The following LEKR1 variants were observed in gnomAD, a reference collection of about 807,000 sequenced individuals.
LEKR1 encodes the protein protein LEKR1.
Under a neutral mutation model 72.4 loss-of-function variants are expected in LEKR1, and 59 were observed. That is an observed-to-expected ratio of 0.82 (90% confidence interval 0.66 to 1.01). The LOEUF is 1.01. Ranked by LOEUF, LEKR1 falls within the 50% of genes least tolerant of loss-of-function variation. LEKR1 has a pLI of 0.00. For synonymous variants in LEKR1, 257 were observed against 263.2 expected (o/e 0.98, Z 0.23); for missense variants, 728 against 759.2 (o/e 0.96, Z 0.48).
chr3:156,910,625 A>T (rs1403678764), intron 3 of LEKR1, among the ~76,000 whole-genome samples: 1 of 152,190 alleles, frequency 6.6e-6, no homozygotes, highest in Non-Finnish European at 1.5e-5. Context: ...AGGGAAAATG[A>T]TAATGGACTC....
chr3:156,965,866 T>C (rs1728514083), intron 6 of LEKR1, among the ~76,000 whole-genome samples: 2 of 152,200 alleles, frequency 1.3e-5, no homozygotes. Context: ...TATTGGTATA[T>C]ATTTTTGCAT....
chr3:156,907,315 T>A (rs1722622753), intron 3 of LEKR1, among the ~76,000 whole-genome samples: 1 of 152,110 alleles, frequency 6.6e-6, no homozygotes. Context: ...TATGGTTTCA[T>A]GTCATATTTG....
intron 12 of LEKR1, among the ~76,000 whole-genome samples, chr3:157,029,428 A>C (rs1263141205): frequency 1.3e-5 from 2 of 152,096 alleles, no homozygotes; most frequent in Non-Finnish European, 2.9e-5. Context: ...TAATTTCCAT[A>C]AGGTCAGACA....
In LEKR1 at chr3:156,993,162, G is replaced by C. The variant is rs1489327462; in HGVS notation, c.994G>C (p.Glu332Gln). ...KALQEELTVK[E>Q]KQEEDIKRRI... ...ATTACAGGAAGAGCTGACTGTGAAA[G>C]AAAAGCAAGAAGAAGACATAAAGAG... The change falls in exon 9 of 13, where the codon GAA (glutamate) becomes CAA (glutamine). Residue 332 changes from glutamate to glutamine, a missense_variant. By Grantham distance (29) the Glu-to-Gln change is conservative. Transcript: ENST00000356539. 6.2e-7 allele frequency: 1 copy of C among 1,612,028 alleles called. No individual in the cohort carries two copies. The highest frequency in any genetic ancestry group is 2.2e-5 in the East Asian group (1 of 44,756).
intron 7 of LEKR1, among the ~76,000 whole-genome samples, chr3:156,985,558 G>C (rs962911352): frequency 6.6e-6 from 1 of 152,198 alleles, no homozygotes; most frequent in Non-Finnish European, 1.5e-5. Context: ...TTTGAGGCCA[G>C]GCGTAGTGGC....
intron 3 of LEKR1, among the ~76,000 whole-genome samples, chr3:156,865,191 T>G (rs1393453115): frequency 1.3e-5 from 2 of 152,026 alleles, no homozygotes; most frequent in Non-Finnish European, 2.9e-5. Context: ...CCATCATCAC[T>G]CTGCAGCATT....
Position 156,837,936 on chromosome 3 carries a change from T to C in LEKR1, c.48+8559T>C, listed in dbSNP as rs190050019. On this transcript the variant is annotated intron_variant, in intron 2 of 12. Transcript: ENST00000356539. ...TACAAAAGAAAATCATCTCTTTCTG[T>C]TTCATGGAATCATAGTCAAAAACCT... 5.3e-5 allele frequency among the ~76,000 whole-genome samples: 8 copies of C among 152,288 alleles called. No individual in the cohort carries two copies. The East Asian group carries it at 1.2e-3, about 22-fold the overall frequency.
chr3:156,880,916 T>C (rs1261704300), intron 3 of LEKR1, among the ~76,000 whole-genome samples: 5 of 152,188 alleles, frequency 3.3e-5, no homozygotes, highest in Non-Finnish European at 7.3e-5. Context: ...ATTATCTCAA[T>C]AGATGCAGAA....
Position 156,979,211 on chromosome 3 carries a change from G to C in LEKR1, c.763G>C (p.Glu255Gln). ...KEVLDLQCLV[E>Q]ALGLKLQKAV... ...CATTTCAGATTTACAATGTCTAGTA[G>C]AGGCACTTGGATTAAAACTTCAGAA... is the stretch of plus-strand genomic sequence containing the variant. The change falls in exon 7 of 13, where the codon GAG becomes CAG. Residue 255 changes from glutamate (E) to glutamine (Q), a missense_variant. Coordinates refer to ENST00000356539, the MANE Select transcript of LEKR1 (RefSeq NM_001004316.3). 7.8e-7 allele frequency: 1 copy of C among 1,282,152 alleles called. No individual in the cohort carries two copies. The highest frequency in any genetic ancestry group is 1.0e-6 in the Non-Finnish European group (1 of 980,836). The allele number at this position is 1,282,152 out of a possible 1,614,324, so 79.4% of individuals were successfully genotyped here.
intron 7 of LEKR1, among the ~76,000 whole-genome samples, chr3:156,985,602 A>G (rs1239388925): frequency 6.6e-6 from 1 of 152,120 alleles, no homozygotes; most frequent in Non-Finnish European, 1.5e-5. Flanking sequence ...TGGGAGACTG[A>G]GGCGAGGCAG....
At chr3:156,877,609 G>A (rs1718762693) in intron 3 of LEKR1, among the ~76,000 whole-genome samples, 1 of 150,734 alleles carries the variant, frequency 6.6e-6, no homozygotes, top group African/African-American at 2.5e-5. Flanking sequence ...GTGTATAAAA[G>A]TGTTCATAGT....
intron 3 of LEKR1, among the ~76,000 whole-genome samples, chr3:156,901,223 T>C (rs749779353): frequency 2.6e-5 from 4 of 152,176 alleles, no homozygotes; most frequent in African/African-American, 4.8e-5. Flanking sequence ...ATTCCTTTTT[T>C]TTTTCCTTCC....
chr3:156,983,685 A>G (rs1448999844), intron 7 of LEKR1, among the ~76,000 whole-genome samples: 3 of 152,132 alleles, frequency 2.0e-5, no homozygotes, highest in African/African-American at 4.8e-5. Context: ...GACTAACACA[A>G]TGAGTATGTG....
intron 3 of LEKR1, among the ~76,000 whole-genome samples, chr3:156,883,005 G>T (rs1184690551): frequency 1.3e-5 from 2 of 149,384 alleles, no homozygotes; most frequent in African/African-American, 2.5e-5. Context: ...ACTGTTGTGG[G>T]TTGGGGGGAG....
At chr3:156,929,677 T>C (rs17442066) in intron 5 of LEKR1, among the ~76,000 whole-genome samples, 4,020 of 152,238 alleles carry the variant, frequency 0.026, 85 homozygotes, top group South Asian at 0.06. Flanking sequence ...ATCTATGTGT[T>C]CTCCCTTTCA....
At chr3:156,857,766 T>C (rs992348373) in intron 3 of LEKR1, among the ~76,000 whole-genome samples, 1 of 152,220 alleles carries the variant, frequency 6.6e-6, no homozygotes, top group Non-Finnish European at 1.5e-5. Flanking sequence ...TGAAGAGCAT[T>C]GTTCTTTTGA....
At chr3:156,827,385 T>C (rs902695563) in intron 1 of LEKR1, among the ~76,000 whole-genome samples, 8 of 152,222 alleles carry the variant, frequency 5.3e-5, no homozygotes, top group African/African-American at 1.9e-4. Context: ...GTTATGGAGC[T>C]GTGCATTACT....
intron 3 of LEKR1, among the ~76,000 whole-genome samples, chr3:156,884,004 G>T (rs190646931): frequency 1.3e-5 from 2 of 152,166 alleles, no homozygotes; most frequent in African/African-American, 2.4e-5. Context: ...TTTCTTACTG[G>T]ACTATTTTTT....
At chr3:156,964,227 TTA>T (rs1728363316) in intron 6 of LEKR1, among the ~76,000 whole-genome samples, 1 of 152,140 alleles carries the variant, frequency 6.6e-6, no homozygotes, top group South Asian at 2.1e-4. Context: ...ATATATAGTT[TTA>T]TAAAATTAGG....
Sources: gnomAD v4.1 joint callset for allele counts (sites outside exome capture counted in the v4.1 genomes callset) on GRCh38, gnomAD v4.1.1 for gene constraint, MANE v1.5 for transcripts, NCBI Gene and HGNC (gene_info 2026-07-23, HGNC 2026-07-21) for gene names.